CEP131: variants seen among roughly 807,000 people sequenced by gnomAD.
The protein encoded by CEP131 is centrosomal protein of 131 kDa.
Under a neutral mutation model 136.8 loss-of-function variants are expected in CEP131, and 99 were observed. The observed-to-expected ratio is 0.72, with a 90% CI of 0.62 to 0.86. The LOEUF is 0.86. Ranked by LOEUF, CEP131 falls within the 40% of genes least tolerant of loss-of-function variation. The pLI, the probability that CEP131 is intolerant of heterozygous loss-of-function variation, is 0.00. For missense variants in CEP131, 1,459 were observed against 1,463.0 expected, an observed-to-expected ratio of 1.00 and a Z score of 0.04; for synonymous variants, 646 against 612.7, an observed-to-expected ratio of 1.05 and a Z score of -0.80.
rs1444154442 is a variant in CEP131, at chr17:81,220,059, T to C, written c.-3A>G. Reference sequence around the variant, plus strand: ...CCGATGGCCCGGGTGCCTTTCATGGTGGACAAGGCAGGTCCTGAGCGGGGA... The same window carrying C: ...CCGATGGCCCGGGTGCCTTTCATGGCGGACAAGGCAGGTCCTGAGCGGGGA... On this transcript the variant is annotated 5_prime_UTR_variant, in exon 2 of 26. Coordinates refer to ENST00000450824, the MANE Select transcript of CEP131 (RefSeq NM_014984.4). 2 of 1,571,216 alleles carry C rather than the reference T, an allele frequency of 1.3e-6. No individual in the cohort carries two copies. Among genetic ancestry groups the C allele is most frequent in the Non-Finnish European group, 1.7e-6 (2 of 1,159,950 alleles).
At chr17:81,212,321 CA>C (rs71166130) in intron 2 of CEP131, among the ~76,000 whole-genome samples, 35 of 135,062 alleles carry the variant, frequency 2.6e-4, no homozygotes, top group African/African-American at 3.6e-4. Context: ...GATTCCCTCT[CA>C]AAAAAAAAAA....
At chr17:81,205,938 G>A (rs1403947905) in intron 5 of CEP131, among the ~76,000 whole-genome samples, 2 of 152,158 alleles carry the variant, frequency 1.3e-5, no homozygotes, top group South Asian at 2.1e-4. Flanking sequence ...GGGTGCAGTG[G>A]CTCACGCCTA....
chr17:81,198,069 G>A, intron 12 of CEP131, 46 bp downstream of exon 12: 10 of 1,511,550 alleles, frequency 6.6e-6, no homozygotes, highest in Non-Finnish European at 8.0e-6. Flanking sequence ...CTGTGTGAAT[G>A]GCGTGGGTGG....
At chr17:81,212,869 TACAC>T (rs749836698) in intron 2 of CEP131, among the ~76,000 whole-genome samples, 7 of 152,138 alleles carry the variant, frequency 4.6e-5, no homozygotes, top group African/African-American at 1.2e-4. Flanking sequence ...GTGTGTATAT[TACAC>T]ACCAACTGGC....
intron 10 of CEP131, 32 bp downstream of exon 10, chr17:81,199,349 C>G (rs759177384): frequency 1.3e-6 from 2 of 1,569,520 alleles, no homozygotes; most frequent in African/African-American, 1.3e-5. Context: ...AGTCCACCCC[C>G]CAGAGCAGGG....
chr17:81,216,296 C>G (rs2146726991), intron 2 of CEP131, among the ~76,000 whole-genome samples: 1 of 151,930 alleles, frequency 6.6e-6, no homozygotes. Flanking sequence ...GAGGCAGAGG[C>G]TGCAGTGAGC....
In CEP131 at chr17:81,198,951, C is replaced by A; in HGVS notation, c.1213G>T (p.Gly405Cys). 5.1e-6 allele frequency: 8 copies of A among 1,580,462 alleles called. No individual in the cohort carries two copies. Among genetic ancestry groups the A allele is most frequent in the Non-Finnish European group, 6.9e-6 (8 of 1,165,136 alleles). ...NNTGGGLPAA[G>C]PGDRCLPTSD... ...GTGGGCAGGCAGCGGTCTCCGGGGC[C>A]TGCAGCAGGGAGGCCACCACCTGCA... is the stretch of plus-strand genomic sequence containing the variant. Residue 405 changes from glycine to cysteine, a missense_variant, in exon 11 of 26, where the codon GGC (glycine) becomes TGC (cysteine). Gly to Cys is a radical substitution (Grantham distance 159). Around this residue, in one of 3 missense-constraint regions of CEP131, gnomAD observed 1,026 missense variants for 964.2 expected, o/e 1.06. Transcript: ENST00000450824.
At chr17:81,192,905 C>A in intron 18 of CEP131, 62 bp from the exon 19 acceptor site, 2 of 1,548,916 alleles carry the variant, frequency 1.3e-6, no homozygotes, top group South Asian at 1.2e-5. Flanking sequence ...ACCCACCCAC[C>A]GCAGGGGCAC....
chr17:81,207,299 G>A, intron 3 of CEP131, 60 bp from the exon 4 acceptor site: 6 of 1,497,388 alleles, frequency 4.0e-6, no homozygotes, highest in African/African-American at 2.8e-5. Flanking sequence ...GCCGACGCTA[G>A]GCACACAGAC....
At chr17:81,191,378 G>C in intron 21 of CEP131, 43 bp from the exon 22 acceptor site, 3 of 1,608,632 alleles carry the variant, frequency 1.9e-6, no homozygotes, top group Non-Finnish European at 2.5e-6. Context: ...CCCGGAGCCG[G>C]CCCGCGGGGC....
Position 81,202,291 on chromosome 17 carries a change from C to A in CEP131, c.737G>T (p.Gly246Val). 2 of 1,612,626 alleles carry A rather than the reference C, an allele frequency of 1.2e-6. No individual in the cohort carries two copies. The highest frequency in any genetic ancestry group is 2.7e-5 in the African/African-American group (2 of 74,970). ...CTTCCGCCTGGGCAAGCCCGTGCTG[C>A]CCCCAGTATTGTTCCGGGCTGAGTG... ...ATHSARNNTG[G>V]STGLPRRKEV... The change falls in exon 7 of 26, where the codon GGC becomes GTC. Residue 246 changes from glycine to valine, a missense_variant. By Grantham distance (109) the Gly-to-Val change is moderately radical. Coordinates refer to ENST00000450824, the MANE Select transcript of CEP131 (RefSeq NM_014984.4).
intron 2 of CEP131, among the ~76,000 whole-genome samples, chr17:81,217,943 C>T (rs559272151): frequency 3.9e-5 from 6 of 152,262 alleles, no homozygotes; most frequent in Non-Finnish European, 7.4e-5. Context: ...CTAGAAAGCC[C>T]GGAAACTTTT....
At chr17:81,200,079 G>A (rs941404842) in intron 8 of CEP131, 12 of 608,330 alleles carry the variant, frequency 2.0e-5, no homozygotes, top group African/African-American at 1.5e-4. Context: ...CCCACAGAAC[G>A]TCCTCCTGAG....
Position 81,189,731 on chromosome 17 carries a change from T to C in CEP131, c.*38A>G. ...GGGCCCACGTCCAGCCTCTGTCCTC[T>C]GCCTTCCGTTCTTCGACAGTGTTCC... On this transcript the variant is annotated 3_prime_UTR_variant, in exon 26 of 26. Coordinates refer to ENST00000450824, the MANE Select transcript of CEP131 (RefSeq NM_014984.4). 1 of 1,556,982 alleles carries C rather than the reference T, an allele frequency of 6.4e-7. No homozygotes were observed. Among genetic ancestry groups the C allele is most frequent in the Non-Finnish European group, 8.7e-7 (1 of 1,147,968 alleles).
chr17:81,191,368 C>G, intron 21 of CEP131, 33 bp from the exon 22 acceptor site: 1 of 1,611,324 alleles, frequency 6.2e-7, no homozygotes, highest in Non-Finnish European at 8.5e-7. Flanking sequence ...GGGGTTGCCA[C>G]CCGGAGCCGG....
rs1234415412 is a variant in CEP131 at position 81,201,441 on chromosome 17, AGGGG to A, written c.788+795_788+798del. The stretch of plus-strand genomic sequence containing the variant: ...CTCCAGCTCCCCAGGGGCAAGCGGC[AGGGG>A]CACAGCCCCCAACAGTCATCATCAC... On this transcript the variant is annotated intron_variant, in intron 7 of 25. Coordinates refer to ENST00000450824, the MANE Select transcript of CEP131 (RefSeq NM_014984.4). Among the ~76,000 whole-genome samples, 3 of 151,782 alleles carry A rather than the reference AGGGG, an allele frequency of 2.0e-5. No homozygotes were observed. In the East Asian group the frequency reaches 5.8e-4, roughly 29 times the overall value.
intron 7 of CEP131, among the ~76,000 whole-genome samples, chr17:81,201,064 A>C (rs2725418): frequency 0.94 from 143,410 of 152,082 alleles, 67,769 homozygotes; most frequent in Non-Finnish European, 0.97. Context: ...AAATTATACT[A>C]AGTAAAACTG....
At chr17:81,200,218 C>T (rs759807705) in intron 8 of CEP131, 111 bp downstream of exon 8, 53 of 840,928 alleles carry the variant, frequency 6.3e-5, no homozygotes, top group Non-Finnish European at 9.2e-5. Context: ...AGAGACGGGG[C>T]CCACGAGCAA....
At chr17:81,220,298 G>A (rs1454140465) in intron 1 of CEP131, among the ~76,000 whole-genome samples, 1 of 152,164 alleles carries the variant, frequency 6.6e-6, no homozygotes, top group Non-Finnish European at 1.5e-5. Flanking sequence ...GGAGGGCCCT[G>A]GATGATGGAC....
Sources: allele counts gnomAD v4.1 joint callset (sites outside exome capture counted in the v4.1 genomes callset), GRCh38; gene constraint gnomAD v4.1.1; regional missense constraint gnomAD v4.1.1; transcripts MANE v1.5; gene names NCBI Gene and HGNC (gene_info 2026-07-23, HGNC 2026-07-21).